Variants in IRF2 observed in about 807,000 individuals in gnomAD.
The protein encoded by IRF2 is interferon regulatory factor 2.
A neutral mutation model predicts 40.6 loss-of-function variants in IRF2; 15 were observed. The ratio of observed to expected loss-of-function variants is 0.37; its 90% CI spans 0.25 to 0.57. The LOEUF is 0.57. Ranked by LOEUF, IRF2 falls within the 20% of genes least tolerant of loss-of-function variation. The probability of loss-of-function intolerance (pLI) is 0.77; values close to 1 mark genes in which losing one functional copy is unlikely to be tolerated. For synonymous variants in IRF2, 151 were observed against 165.5 expected (o/e 0.91, Z 0.67); for missense variants, 317 against 455.7 (o/e 0.70, Z 2.77).
At chr4:184,414,020 T>C (rs573700986) in intron 5 of IRF2, among the ~76,000 whole-genome samples, 4 of 152,358 alleles carry the variant, frequency 2.6e-5, no homozygotes, top group African/African-American at 9.6e-5. Context: ...AGGCACCCGG[T>C]GGACAAACTT....
intron 2 of IRF2, among the ~76,000 whole-genome samples, chr4:184,425,731 T>C (rs778190672): frequency 5.9e-5 from 9 of 152,186 alleles, no homozygotes; most frequent in Non-Finnish European, 1.3e-4. Context: ...AAGTGTTCAT[T>C]TGCACAAAGG....
intron 6 of IRF2, among the ~76,000 whole-genome samples, chr4:184,403,527 T>C (rs1291586959): frequency 6.6e-6 from 1 of 152,158 alleles, no homozygotes; most frequent in African/African-American, 2.4e-5. Context: ...GAAGGCACAA[T>C]AGTGATCCCC....
intron 2 of IRF2, among the ~76,000 whole-genome samples, chr4:184,424,110 C>G (rs1026860155): frequency 3.9e-5 from 6 of 152,048 alleles, no homozygotes; most frequent in Admixed American, 3.3e-4. Context: ...ATTCATACAT[C>G]TAGATACAGG....
intron 1 of IRF2, 135 bp from the exon 2 acceptor site, chr4:184,429,205 T>C: frequency 1.5e-6 from 1 of 678,388 alleles, no homozygotes. Flanking sequence ...GGGGGGTCGG[T>C]GTACTCAGGG....
At chr4:184,467,274 A>C (rs1739359862) in intron 1 of IRF2, among the ~76,000 whole-genome samples, 1 of 152,188 alleles carries the variant, frequency 6.6e-6, no homozygotes, top group Non-Finnish European at 1.5e-5. Context: ...ACATTTATGC[A>C]AAGACAGAAA....
chr4:184,388,892 G>T lies in IRF2; in HGVS notation c.916C>A (p.Pro306Thr). 1.9e-6 allele frequency: 3 copies of T among 1,614,040 alleles called. No individual in the cohort carries two copies. Among genetic ancestry groups the T allele is most frequent in the Non-Finnish European group, 2.5e-6 (3 of 1,180,004 alleles). Residue 306 changes from proline to threonine, a missense_variant, in exon 9 of 9, where the codon CCC becomes ACC. By Grantham distance (38) the Pro-to-Thr change is conservative. This residue lies in a region of IRF2 where 262 missense variants were observed against 334.0 expected (regional missense o/e 0.78). Transcript: ENST00000393593. This position sits in a 1 kb window ranked among gnomAD's most constrained non-coding sequence, Gnocchi z 4.6. ...GAAAGGGGGAGGTCTTGAAAAGGGGGCCAGGAGCTGTTGTAAGGCACCGGA... is the reference window on the plus strand; with the variant it reads ...GAAAGGGGGAGGTCTTGAAAAGGGGTCCAGGAGCTGTTGTAAGGCACCGGA... ...SNPVPYNSSW[P>T]PFQDLPLSSS...
intron 2 of IRF2, among the ~76,000 whole-genome samples, chr4:184,423,701 C>T (rs2149902127): frequency 6.6e-6 from 1 of 152,254 alleles, no homozygotes; most frequent in Non-Finnish European, 1.5e-5. Flanking sequence ...TCCTTCCTTC[C>T]TCAAGAAATG....
At chr4:184,429,793 T>C (rs971639412) in intron 1 of IRF2, among the ~76,000 whole-genome samples, 18 of 152,208 alleles carry the variant, frequency 1.2e-4, no homozygotes, top group Non-Finnish European at 2.1e-4. Flanking sequence ...ATCATTTTCA[T>C]AGTCTGACCA....
chr4:184,430,318 A>T lies in IRF2; in HGVS notation c.-6-1248T>A, dbSNP rs144967992. Among the ~76,000 whole-genome samples, 699 of 131,932 alleles carry T rather than the reference A, an allele frequency of 5.3e-3. 8 individuals are homozygous for T. Among genetic ancestry groups the T allele is most frequent in the African/African-American group, 0.018 (627 of 35,808 alleles). 86.6% of individuals were successfully genotyped at this position (131,932 alleles called of 152,430 possible). A position where few individuals can be genotyped will look rare whatever the true frequency, so the allele number is the denominator to read the frequency against. On this transcript the variant is annotated intron_variant, in intron 1 of 8. Coordinates refer to ENST00000393593, the MANE Select transcript of IRF2 (RefSeq NM_002199.4). ...AGCCTTTTCCTTGTATGCCTCCTGC[A>T]GTCTGGCCCAGCCTTTTCCTTGTAT...
intron 6 of IRF2, among the ~76,000 whole-genome samples, chr4:184,405,447 C>T (rs1736820931): frequency 6.6e-6 from 1 of 152,156 alleles, no homozygotes; most frequent in Non-Finnish European, 1.5e-5. Context: ...ACCAACCTCA[C>T]TGTCTCTATG....
At chr4:184,459,894 G>A (rs1183033272) in intron 1 of IRF2, among the ~76,000 whole-genome samples, 19 of 152,232 alleles carry the variant, frequency 1.2e-4, no homozygotes, top group Admixed American at 1.2e-3. Flanking sequence ...GCTGGAACCG[G>A]TGTGCATTGC....
intron 6 of IRF2, among the ~76,000 whole-genome samples, chr4:184,403,814 T>C (rs56158895): frequency 0.085 from 12,944 of 152,282 alleles, 604 homozygotes; most frequent in South Asian, 0.12. Flanking sequence ...TCAACAGTTA[T>C]CTATTGTGTG....
rs1025438744 is a variant in IRF2 at position 184,454,831 on chromosome 4, C to G, written c.-7+19548G>C. Reference sequence around the variant, plus strand: ...CTTAATAGCAACTTAGCAGAGCTACCGTGAGAAGAAACAGATAAAGGCTAG... The same window carrying G: ...CTTAATAGCAACTTAGCAGAGCTACGGTGAGAAGAAACAGATAAAGGCTAG... On this transcript the variant is annotated intron_variant, in intron 1 of 8. Coordinates refer to ENST00000393593, the MANE Select transcript of IRF2 (RefSeq NM_002199.4). Among the ~76,000 whole-genome samples, 21 of 152,104 alleles carry G rather than the reference C, an allele frequency of 1.4e-4. 1 individual carries two copies. The highest frequency in any genetic ancestry group is 1.6e-4 in the Non-Finnish European group (11 of 68,020).
At chr4:184,453,964 T>A (rs376063189) in intron 1 of IRF2, among the ~76,000 whole-genome samples, 4 of 152,238 alleles carry the variant, frequency 2.6e-5, no homozygotes, top group South Asian at 4.1e-4. Flanking sequence ...ATACTGGAAC[T>A]GGAACCTAAG....
At chr4:184,473,695 G>A (rs1320524136) in intron 1 of IRF2, among the ~76,000 whole-genome samples, 1 of 138,876 alleles carries the variant, frequency 7.2e-6, no homozygotes, top group Non-Finnish European at 1.6e-5. Flanking sequence ...ACCCGACCCC[G>A]AGCCCGGCAG....
At chr4:184,398,528 C>T (rs568660053) in intron 7 of IRF2, among the ~76,000 whole-genome samples, 9 of 151,844 alleles carry the variant, frequency 5.9e-5, no homozygotes, top group African/African-American at 9.7e-5. Flanking sequence ...TGGTGGTGTG[C>T]GCCTGTAATC....
At chr4:184,424,237 A>G (rs1334647236) in intron 2 of IRF2, among the ~76,000 whole-genome samples, 2 of 152,188 alleles carry the variant, frequency 1.3e-5, no homozygotes, top group African/African-American at 4.8e-5. Context: ...CTCATTCATG[A>G]GCTGGTTATA....
chr4:184,432,424 T>A (rs1274037162), intron 1 of IRF2, among the ~76,000 whole-genome samples: 1 of 152,218 alleles, frequency 6.6e-6, no homozygotes, highest in Non-Finnish European at 1.5e-5. Flanking sequence ...CTGTTTAAAA[T>A]GGCCCCCAGG....
chr4:184,439,316 A>C (rs1387550883), intron 1 of IRF2, among the ~76,000 whole-genome samples: 1 of 147,594 alleles, frequency 6.8e-6, no homozygotes, highest in Non-Finnish European at 1.5e-5. Context: ...AAAACTTTAA[A>C]AAAAAAAAAA....
Sources: allele counts gnomAD v4.1 joint callset (sites outside exome capture counted in the v4.1 genomes callset), GRCh38; gene constraint gnomAD v4.1.1; regional missense constraint gnomAD v4.1.1; non-coding constraint Gnocchi (gnomAD v3.1); transcripts MANE v1.5; gene names NCBI Gene and HGNC (gene_info 2026-07-23, HGNC 2026-07-21).